Variants in TIGIT observed in about 807,000 individuals in gnomAD.
TIGIT encodes the protein T-cell immunoreceptor with Ig and ITIM domains.
Under a neutral mutation model 19.6 loss-of-function variants are expected in TIGIT, and 11 were observed. That is an observed-to-expected ratio of 0.56 (90% CI 0.35 to 0.93). The LOEUF is 0.93. Ranked by LOEUF, TIGIT falls within the 40% of genes least tolerant of loss-of-function variation. The probability of loss-of-function intolerance (pLI) is 0.01; values close to 1 mark genes in which losing one functional copy is unlikely to be tolerated. For missense variants in TIGIT, 295 were observed against 303.9 expected, an observed-to-expected ratio of 0.97 and a Z score of 0.22; for synonymous variants, 130 against 125.5, an observed-to-expected ratio of 1.04 and a Z score of -0.24.
chr3:114,294,039 C>T lies in TIGIT; in HGVS notation c.-23C>T. On this transcript the variant is annotated 5_prime_UTR_variant, in exon 1 of 4. Transcript: ENST00000383671. ...TGGCAGAAGAGGCCACATCTGCTTCCTGTAGGCCCTCTGGGCAGAAGCATG... is the reference window on the plus strand; with the variant it reads ...TGGCAGAAGAGGCCACATCTGCTTCTTGTAGGCCCTCTGGGCAGAAGCATG... The T allele has an allele frequency of 3.9e-6, 6 of 1,545,522 alleles. No individual in the cohort carries two copies. Among genetic ancestry groups the T allele is most frequent in the Middle Eastern group, 1.7e-4 (1 of 5,982 alleles).
At chr3:114,299,535 C>T in intron 2 of TIGIT, 62 bp from the exon 3 acceptor site, 1 of 1,317,224 alleles carries the variant, frequency 7.6e-7, no homozygotes, top group East Asian at 2.3e-5. Context: ...CTCAGGCTGC[C>T]CTGGGGAAAT....
intron 3 of TIGIT, among the ~76,000 whole-genome samples, chr3:114,301,100 G>A (rs974074562): frequency 3.3e-5 from 5 of 152,182 alleles, no homozygotes; most frequent in African/African-American, 9.7e-5. Context: ...TGATTGGGAG[G>A]AGTGAAAGAA....
chr3:114,294,687 G>T (rs2078441942), intron 1 of TIGIT, among the ~76,000 whole-genome samples: 1 of 152,168 alleles, frequency 6.6e-6, no homozygotes, highest in Non-Finnish European at 1.5e-5. Context: ...AACTATCTGA[G>T]GATGGAGATG....
At chr3:114,304,304 C>G (rs546026875) in intron 3 of TIGIT, among the ~76,000 whole-genome samples, 2 of 152,220 alleles carry the variant, frequency 1.3e-5, no homozygotes, top group South Asian at 2.1e-4. Flanking sequence ...ATCTTTAGTT[C>G]AAGGGCTGTA....
At chr3:114,298,099 G>C (rs1324608534) in intron 2 of TIGIT, among the ~76,000 whole-genome samples, 1 of 152,116 alleles carries the variant, frequency 6.6e-6, no homozygotes, top group East Asian at 1.9e-4. Context: ...TAACCCCAAA[G>C]TCAACCTGGT....
chr3:114,304,802 T>C (rs756394425), intron 3 of TIGIT, among the ~76,000 whole-genome samples: 3 of 152,212 alleles, frequency 2.0e-5, no homozygotes, highest in Non-Finnish European at 4.4e-5. Flanking sequence ...CCAGATGGTA[T>C]AAGAGAAGCA....
intron 2 of TIGIT, 105 bp downstream of exon 2, chr3:114,295,979 G>C (rs1252736114): frequency 1.1e-6 from 1 of 914,254 alleles, no homozygotes; most frequent in African/African-American, 1.7e-5. Context: ...GATCACATTT[G>C]AATCACCTGA....
At chr3:114,295,234 T>C (rs938736705) in intron 1 of TIGIT, among the ~76,000 whole-genome samples, 8 of 151,756 alleles carry the variant, frequency 5.3e-5, no homozygotes, top group African/African-American at 1.2e-4. Flanking sequence ...TCTGGAAGCA[T>C]AGGGCAGTGG....
At chr3:114,299,798 A>T in intron 3 of TIGIT, 95 bp downstream of exon 3, 1 of 762,124 alleles carries the variant, frequency 1.3e-6, no homozygotes, top group East Asian at 2.7e-5. Context: ...AGAGACCCAG[A>T]TGTGATCTTC....
chr3:114,303,194 C>A (rs1403335943), intron 3 of TIGIT, among the ~76,000 whole-genome samples: 1 of 150,988 alleles, frequency 6.6e-6, no homozygotes, highest in Non-Finnish European at 1.5e-5. Flanking sequence ...GTGGTGATTT[C>A]TGAGATTTTG....
At chr3:114,303,597 GTATATATATATATACATATATATGTATA>G (rs1553776844) in intron 3 of TIGIT, among the ~76,000 whole-genome samples, 3 of 7,872 alleles carry the variant, frequency 3.8e-4, no homozygotes, top group Non-Finnish European at 1.0e-3. Flanking sequence ...ACATATATAT[GTATATATATATATACATATATATGTATA>G]TATATACACA....
chr3:114,299,668 A>G lies in TIGIT; in HGVS notation c.463A>G (p.Thr155Ala). Residue 155 changes from threonine to alanine, a missense_variant, in exon 3 of 4, where the codon ACA becomes GCA. Physicochemically the swap from Thr to Ala is moderately conservative, Grantham distance 58 (BLOSUM62 0). Transcript: ENST00000383671. ...GGCCGCGACGCTGGTGGTCATCTGC[A>G]CAGCAGTCATCGTGGTGGTCGCGTT... ...AMAATLVVIC[T>A]AVIVVVALTR... 6.2e-7 allele frequency: 1 copy of G among 1,613,192 alleles called. No individual in the cohort carries two copies. The highest frequency in any genetic ancestry group is 8.5e-7 in the Non-Finnish European group (1 of 1,179,904).
rs1256760627 is a variant in TIGIT, at chr3:114,309,577, T to G, written c.*1446T>G. 6.6e-6 allele frequency: 1 copy of G among 152,192 alleles called. No individual in the cohort carries two copies. Among genetic ancestry groups the G allele is most frequent in the Non-Finnish European group, 1.5e-5 (1 of 68,032 alleles). 9.4% of individuals were successfully genotyped at this position (152,192 alleles called of 1,614,324 possible). A position where few individuals can be genotyped will look rare whatever the true frequency, so the allele number is the denominator to read the frequency against. The stretch of plus-strand genomic sequence containing the variant: ...TCTCCTAGGATTTTTATTATTATTA[T>G]TTTTTCACTTTTCTACCAAATGGGT... On this transcript the variant is annotated 3_prime_UTR_variant, in exon 4 of 4. Transcript: ENST00000383671.
chr3:114,299,644 G>A lies in TIGIT; in HGVS notation c.439G>A (p.Ala147Thr). ...CCAGATTCCATTGCTTGGAGCCATGGCCGCGACGCTGGTGGTCATCTGCAC... is the reference window on the plus strand; with the variant it reads ...CCAGATTCCATTGCTTGGAGCCATGACCGCGACGCTGGTGGTCATCTGCAC... Reference protein sequence around the residue: ...RFQIPLLGAMAATLVVICTAV... With the variant: ...RFQIPLLGAMTATLVVICTAV... The change falls in exon 3 of 4, where the codon GCC becomes ACC. Residue 147 changes from alanine to threonine, a missense_variant. By Grantham distance (58) the Ala-to-Thr change is moderately conservative. Transcript: ENST00000383671. 6.2e-7 allele frequency: 1 copy of A among 1,613,448 alleles called. No homozygotes were observed. The highest frequency in any genetic ancestry group is 8.5e-7 in the Non-Finnish European group (1 of 1,180,008).
At position 114,295,599 on chromosome 3, in the gene TIGIT, G is replaced by A. The variant is rs1428691057; in HGVS notation, c.116G>A (p.Gly39Asp). ...GGGAACATTTCTGCAGAGAAAGGTGGCTCTATCATCTTACAATGTCACCTC... is the reference window on the plus strand; with the variant it reads ...GGGAACATTTCTGCAGAGAAAGGTGACTCTATCATCTTACAATGTCACCTC... The part of the protein sequence containing the change: ...TTGNISAEKG[G>D]SIILQCHLSS... The change falls in exon 2 of 4, where the codon GGC becomes GAC. Residue 39 changes from glycine (G) to aspartate (D), a missense_variant. Transcript: ENST00000383671. 6.2e-7 allele frequency: 1 copy of A among 1,614,054 alleles called. No individual in the cohort carries two copies. The highest frequency in any genetic ancestry group is 1.3e-5 in the African/African-American group (1 of 74,906).
At position 114,309,670 on chromosome 3, in the gene TIGIT, G is replaced by T. The variant is rs139071971; in HGVS notation, c.*1539G>T. ...CCTTTGGAAGAAAGATTAGATGAAC[G>T]TAAAAATGTTGTTGTTTGCTGTGGC... On this transcript the variant is annotated 3_prime_UTR_variant, in exon 4 of 4. Transcript: ENST00000383671. The T allele has an allele frequency of 5.9e-5, 9 of 152,134 alleles. No individual in the cohort carries two copies. The highest frequency in any genetic ancestry group is 1.9e-4 in the African/African-American group (8 of 41,430). The allele number at this position is 152,134 out of a possible 1,614,324, so 9.4% of individuals were successfully genotyped here.
At position 114,295,971 on chromosome 3, in the gene TIGIT, T is replaced by C. The variant is rs754552467; in HGVS notation, c.391+97T>C. 22 of 1,023,380 alleles carry C rather than the reference T, an allele frequency of 2.1e-5. No individual in the cohort carries two copies. In the Middle Eastern group the frequency reaches 3.7e-3, roughly 172 times the overall value. The allele number at this position is 1,023,380 out of a possible 1,614,324, so 63.4% of individuals were successfully genotyped here. On this transcript the variant is annotated intron_variant, in intron 2 of 3. Transcript: ENST00000383671. ...CACAGCAGGGCTTCTCAATTCGGGA[T>C]CACATTTGAATCACCTGAGGAGATT...
rs1560032276 is a variant in TIGIT at position 114,299,619 on chromosome 3, C to T, written c.414C>T (p.Phe138=). 4 of 1,613,444 alleles carry T rather than the reference C, an allele frequency of 2.5e-6. No homozygotes were observed. The highest frequency in any genetic ancestry group is 1.7e-5 in the Admixed American group (1 of 60,034). ...TAGTGGCTGAGCACGGTGCCAGGTT[C>T]CAGATTCCATTGCTTGGAGCCATGG... ...ESSVAEHGAR[F]QIPLLGAMAA... is the part of the protein sequence containing the mutation. Residue 138 remains phenylalanine (F), a synonymous_variant, in exon 3 of 4, where the codon TTC becomes TTT. Transcript: ENST00000383671.
intron 3 of TIGIT, among the ~76,000 whole-genome samples, chr3:114,304,549 C>A (rs7349582): frequency 6.6e-6 from 1 of 152,198 alleles, no homozygotes; most frequent in Non-Finnish European, 1.5e-5. Flanking sequence ...GTTCTACCCC[C>A]TACCACAATC....
Sources: gnomAD v4.1 joint callset for allele counts (sites outside exome capture counted in the v4.1 genomes callset) on GRCh38, gnomAD v4.1.1 for gene constraint, MANE v1.5 for transcripts, NCBI Gene and HGNC (gene_info 2026-07-23, HGNC 2026-07-21) for gene names.